The following CYFIP1 variants were observed in gnomAD, a reference collection of about 807,000 sequenced individuals.
CYFIP1 encodes cytoplasmic FMR1-interacting protein 1.
Under a neutral mutation model 163.5 loss-of-function variants are expected in CYFIP1, and 58 were observed. That is an observed-to-expected ratio of 0.35 (90% CI 0.29 to 0.44). CYFIP1 has a LOEUF of 0.44. Ranked by LOEUF, CYFIP1 falls within the 20% of genes least tolerant of loss-of-function variation. The pLI, the probability that CYFIP1 is intolerant of heterozygous loss-of-function variation, is 1.00. For synonymous variants in CYFIP1, 663 were observed against 660.7 expected, an observed-to-expected ratio of 1.00 and a Z score of -0.05; for missense variants, 1,338 against 1,653.8, an observed-to-expected ratio of 0.81 and a Z score of 3.31.
chr15:22,957,017 T>C (rs1407941047), intron 1 of CYFIP1, among the ~76,000 whole-genome samples: 1 of 152,236 alleles, frequency 6.6e-6, no homozygotes, highest in Non-Finnish European at 1.5e-5. Context: ...AACACCAAGG[T>C]TGCAAAATGT....
Position 22,917,601 on chromosome 15 carries a change from T to C in CYFIP1, c.1674+187A>G, listed in dbSNP as rs1041648484. On this transcript the variant is annotated intron_variant, in intron 15 of 30. Transcript: ENST00000617928. The surrounding 1 kb of genome is among the most constrained non-coding windows in gnomAD (Gnocchi z 4.2). ...TGACACATCTGACAATCAAGGCACGTCTCCTCACGCTCCCAACTCACTTGG... is the reference window on the plus strand; with the variant it reads ...TGACACATCTGACAATCAAGGCACGCCTCCTCACGCTCCCAACTCACTTGG... 3.7e-5 allele frequency: 26 copies of C among 698,720 alleles called. No homozygotes were observed. The highest frequency in any genetic ancestry group is 2.1e-4 in the Admixed American group (6 of 28,822). The allele number at this position is 698,720 out of a possible 1,614,324, so 43.3% of individuals were successfully genotyped here.
Position 22,867,857 on chromosome 15 carries a change from TGAA to T in CYFIP1, c.*2168_*2170del, listed in dbSNP as rs1447672658. On this transcript the variant is annotated 3_prime_UTR_variant, in exon 31 of 31. Coordinates refer to ENST00000617928, the MANE Select transcript of CYFIP1 (RefSeq NM_014608.6). ...TTGGTTTCTAGAAAATGTTTGTTTATGAAGAAGTCGATGGAAAACTGCAAACAT... is the reference window on the plus strand; with the variant it reads ...TTGGTTTCTAGAAAATGTTTGTTTATGAAGTCGATGGAAAACTGCAAACAT... The T allele has an allele frequency of 2.6e-5, 4 of 152,220 alleles. No homozygotes were observed. The highest frequency in any genetic ancestry group is 4.4e-5 in the Non-Finnish European group (3 of 68,042). The allele number at this position is 152,220 out of a possible 1,614,324, so 9.4% of individuals were successfully genotyped here. A position where few individuals can be genotyped will look rare whatever the true frequency, so the allele number is the denominator to read the frequency against.
chr15:22,905,927 AT>A (rs1364108364), intron 21 of CYFIP1, among the ~76,000 whole-genome samples: 1 of 141,230 alleles, frequency 7.1e-6, no homozygotes, highest in Non-Finnish European at 1.5e-5. Context: ...CACCCGGCTA[AT>A]TTTTTTATTT....
intron 17 of CYFIP1, chr15:22,912,495 C>T (rs79520936): frequency 2.6e-4 from 121 of 459,176 alleles, no homozygotes; most frequent in African/African-American, 1.7e-3. Context: ...GGACAGCAGA[C>T]GCTCACTGAA....
In CYFIP1 at chr15:22,960,699, G is replaced by A. The variant is rs556584733; in HGVS notation, c.-6-13408C>T. ...AACACCACTGGCCCATGCATGAACC[G>A]CAGCCTGCTTCAGGGCGGCCCGCCC... On this transcript the variant is annotated intron_variant, in intron 1 of 30. Coordinates refer to ENST00000617928, the MANE Select transcript of CYFIP1 (RefSeq NM_014608.6). Among the ~76,000 whole-genome samples, 5 of 152,358 alleles carry A rather than the reference G, an allele frequency of 3.3e-5. No homozygotes were observed. The South Asian group carries it at 8.3e-4, about 25-fold the overall frequency.
intron 23 of CYFIP1, among the ~76,000 whole-genome samples, chr15:22,887,105 C>T (rs1198089358): frequency 3.9e-5 from 6 of 152,168 alleles, no homozygotes; most frequent in African/African-American, 1.2e-4. Context: ...CTTCAGCCTC[C>T]GCCTGATCTG....
chr15:22,951,230 G>C (rs1347134982), intron 1 of CYFIP1: 1 of 790,890 alleles, frequency 1.3e-6, no homozygotes, highest in Non-Finnish European at 1.6e-6. Context: ...GGACCTCCCC[G>C]ACACGTAAGG....
chr15:22,906,521 A>T (rs1465369822), intron 21 of CYFIP1, among the ~76,000 whole-genome samples: 1 of 136,266 alleles, frequency 7.3e-6, no homozygotes, highest in Non-Finnish European at 1.5e-5. Flanking sequence ...GCTGGAGTGC[A>T]GTGGCACAAT....
At position 22,867,607 on chromosome 15, in the gene CYFIP1, A is replaced by G. The variant is rs73418445; in HGVS notation, c.*2421T>C. 0.021 allele frequency: 3,438 copies of G among 165,884 alleles called. 118 individuals carry two copies. The highest frequency in any genetic ancestry group is 0.077 in the African/African-American group (3,259 of 42,160). The allele number at this position is 165,884 out of a possible 1,614,324, so 10.3% of individuals were successfully genotyped here. On this transcript the variant is annotated 3_prime_UTR_variant, in exon 31 of 31. Coordinates refer to ENST00000617928, the MANE Select transcript of CYFIP1 (RefSeq NM_014608.6). Reference sequence around the variant, plus strand: ...TTTTACATCAGCTCTTGTACTTTTCAGTATATTTTCATAATGAGTTATATT... The same window carrying G: ...TTTTACATCAGCTCTTGTACTTTTCGGTATATTTTCATAATGAGTTATATT...
intron 1 of CYFIP1, among the ~76,000 whole-genome samples, chr15:22,972,457 A>C (rs567119138): frequency 2.0e-5 from 3 of 152,254 alleles, no homozygotes; most frequent in East Asian, 1.9e-4. Context: ...CAAAACAAAA[A>C]AAACTACAGA....
intron 27 of CYFIP1, 24 bp downstream of exon 27, chr15:22,875,175 C>T: frequency 1.2e-6 from 2 of 1,613,092 alleles, no homozygotes; most frequent in Non-Finnish European, 1.7e-6. Flanking sequence ...GTCTGGACTC[C>T]CTGGTGGGGG....
intron 13 of CYFIP1, among the ~76,000 whole-genome samples, chr15:22,924,290 G>A (rs1191250666): frequency 6.6e-6 from 1 of 152,082 alleles, no homozygotes; most frequent in Non-Finnish European, 1.5e-5. Context: ...CGGGCGTGGT[G>A]GTGGGTGCCT....
chr15:22,974,072 G>A (rs1487476621), intron 1 of CYFIP1, among the ~76,000 whole-genome samples: 1 of 152,164 alleles, frequency 6.6e-6, no homozygotes, highest in African/African-American at 2.4e-5. Context: ...GTACACTGTT[G>A]GTGGAGATGT....
chr15:22,903,672 C>T (rs199690214), intron 22 of CYFIP1, 34 bp downstream of exon 22: 39 of 1,610,896 alleles, frequency 2.4e-5, no homozygotes, highest in East Asian at 6.7e-5. Flanking sequence ...CTGAGCGCCT[C>T]GCCTGTGGGC....
chr15:22,952,311 T>C (rs544966272), intron 1 of CYFIP1, among the ~76,000 whole-genome samples: 11 of 152,176 alleles, frequency 7.2e-5, no homozygotes, highest in African/African-American at 2.2e-4. Context: ...GTGGTGGTGG[T>C]TGCAGAATAA....
Position 22,925,982 on chromosome 15 carries a change from C to T in CYFIP1, c.1359G>A (p.Glu453=). The part of the protein sequence containing the change: ...YTSEEKFALV[E]VIAMIKGLQV... Reference sequence around the variant, plus strand: ...AGAGCGAGCGGCCGAGCATCCTCACCTCCACTAGGGCAAACTTCTCCTCGC... The same window carrying T: ...AGAGCGAGCGGCCGAGCATCCTCACTTCCACTAGGGCAAACTTCTCCTCGC... The change falls in exon 13 of 31, where the codon GAG becomes GAA. Residue 453 remains glutamate (E), a splice_region_variant and synonymous_variant. Transcript: ENST00000617928. The T allele has an allele frequency of 6.2e-7, 1 of 1,613,312 alleles. No homozygotes were observed. Among genetic ancestry groups the T allele is most frequent in the Non-Finnish European group, 8.5e-7 (1 of 1,179,382 alleles).
rs373438729 is a variant in CYFIP1 at position 22,912,221 on chromosome 15, G to A, written c.2040C>T (p.Thr680=). The change falls in exon 18 of 31, where the codon ACC becomes ACT. Residue 680 remains threonine (T), a synonymous_variant. Transcript: ENST00000617928. ...CGTACAGGAACTGCTTGTTGAACCTGGTGAGCGCGTAGTGGGCGCTGTCAT... is the reference window on the plus strand; with the variant it reads ...CGTACAGGAACTGCTTGTTGAACCTAGTGAGCGCGTAGTGGGCGCTGTCAT... The part of the protein sequence containing the change: ...LYNDSAHYAL[T]RFNKQFLYDE... 45 of 1,613,970 alleles carry A rather than the reference G, an allele frequency of 2.8e-5. No homozygotes were observed. The highest frequency in any genetic ancestry group is 3.2e-5 in the Non-Finnish European group (38 of 1,179,978).
At position 22,910,440 on chromosome 15, in the gene CYFIP1, G is replaced by A. The variant is rs960731913; in HGVS notation, c.2268+80C>T. 5.9e-4 allele frequency: 703 copies of A among 1,196,114 alleles called. 9 individuals carry two copies. The highest frequency in any genetic ancestry group is 1.9e-4 in the Admixed American group (10 of 53,242). 74.1% of individuals were successfully genotyped at this position (1,196,114 alleles called of 1,614,324 possible). Reference sequence around the variant, plus strand: ...GCCTCCCAGTGTTGGGATTACAGGCGTGAGCCACCGCACCCAGCCGAAAAC... The same window carrying A: ...GCCTCCCAGTGTTGGGATTACAGGCATGAGCCACCGCACCCAGCCGAAAAC... On this transcript the variant is annotated intron_variant, in intron 20 of 30. Coordinates refer to ENST00000617928, the MANE Select transcript of CYFIP1 (RefSeq NM_014608.6).
intron 23 of CYFIP1, among the ~76,000 whole-genome samples, chr15:22,892,302 T>C (rs534343948): frequency 5.9e-5 from 9 of 152,314 alleles, no homozygotes; most frequent in Admixed American, 5.2e-4. Context: ...GTGAAGAAAC[T>C]AGCCCTTAAT....
Sources: gnomAD v4.1 joint callset for allele counts (sites outside exome capture counted in the v4.1 genomes callset) on GRCh38, gnomAD v4.1.1 for gene constraint, Gnocchi (gnomAD v3.1) non-coding constraint, MANE v1.5 for transcripts, NCBI Gene and HGNC (gene_info 2026-07-23, HGNC 2026-07-21) for gene names.